Variants in XYLT1 observed in about 807,000 individuals in gnomAD.
XYLT1 encodes the protein xylosyltransferase 1.
A neutral mutation model predicts 91.3 loss-of-function variants in XYLT1; 36 were observed. The ratio of observed to expected loss-of-function variants is 0.39; its 90% CI spans 0.30 to 0.52. XYLT1 has a LOEUF of 0.52. Ranked by LOEUF, XYLT1 falls within the 20% of genes least tolerant of loss-of-function variation. The pLI is 0.68. For missense variants in XYLT1, 1,242 were observed against 1,284.5 expected (o/e 0.97, Z 0.51); for synonymous variants, 588 against 532.0 (o/e 1.11, Z -1.45).
chr16:17,247,506 AT>A (rs2033458677), intron 3 of XYLT1, among the ~76,000 whole-genome samples: 1 of 152,116 alleles, frequency 6.6e-6, no homozygotes, highest in South Asian at 2.1e-4. Context: ...CTTGGTAAAT[AT>A]TTGCTGGCTA....
chr16:17,237,748 C>T (rs1210755432), intron 3 of XYLT1, among the ~76,000 whole-genome samples: 1 of 152,228 alleles, frequency 6.6e-6, no homozygotes, highest in African/African-American at 2.4e-5. Context: ...ATGCCATCTG[C>T]TGGCAAAATG....
intron 2 of XYLT1, among the ~76,000 whole-genome samples, chr16:17,318,805 T>C (rs2034674326): frequency 6.6e-6 from 1 of 151,538 alleles, no homozygotes; most frequent in East Asian, 1.9e-4. Flanking sequence ...TTTTTTTTTT[T>C]CTTCAGATGA....
intron 2 of XYLT1, among the ~76,000 whole-genome samples, chr16:17,292,791 C>A (rs1408105277): frequency 6.6e-6 from 1 of 152,194 alleles, no homozygotes; most frequent in African/African-American, 2.4e-5. Flanking sequence ...CTTTCCTGCA[C>A]AAAGTGGGGC....
At chr16:17,239,913 A>C (rs2033319967) in intron 3 of XYLT1, among the ~76,000 whole-genome samples, 1 of 151,926 alleles carries the variant, frequency 6.6e-6, no homozygotes, top group African/African-American at 2.4e-5. Flanking sequence ...CCATATATCC[A>C]CCCATCTTCT....
At chr16:17,193,516 C>T (rs1254234974) in intron 5 of XYLT1, 2 of 152,472 alleles carry the variant, frequency 1.3e-5, no homozygotes, top group Non-Finnish European at 2.9e-5. Context: ...GCCCACACCC[C>T]CCCACCCCCC....
At chr16:17,465,223 A>C (rs2036877226) in intron 1 of XYLT1, among the ~76,000 whole-genome samples, 1 of 151,768 alleles carries the variant, frequency 6.6e-6, no homozygotes, top group South Asian at 2.1e-4. Flanking sequence ...AACCATGCAA[A>C]AGGAACGCAA....
intron 3 of XYLT1, among the ~76,000 whole-genome samples, chr16:17,233,473 A>G (rs1478098272): frequency 6.6e-6 from 1 of 152,202 alleles, no homozygotes; most frequent in East Asian, 1.9e-4. Flanking sequence ...TTTAAGTAGG[A>G]AGGTGTGGTG....
At chr16:17,451,650 G>T (rs115757891) in intron 1 of XYLT1, among the ~76,000 whole-genome samples, 2,991 of 152,282 alleles carry the variant, frequency 0.02, 85 homozygotes, top group African/African-American at 0.067. Context: ...ATTATCAATG[G>T]CTGTTGCTGA....
At chr16:17,465,100 C>G (rs574000235) in intron 1 of XYLT1, among the ~76,000 whole-genome samples, 2 of 138,468 alleles carry the variant, frequency 1.4e-5, no homozygotes, top group Non-Finnish European at 3.0e-5. Context: ...GCCGAGATCA[C>G]GCCACTGCCC....
intron 1 of XYLT1, among the ~76,000 whole-genome samples, chr16:17,458,099 T>C (rs2036767921): frequency 2.0e-5 from 3 of 152,202 alleles, no homozygotes; most frequent in African/African-American, 2.4e-5. Flanking sequence ...GTGAGTCTGG[T>C]TGAGAGCTGA....
chr16:17,415,496 C>T (rs1170224274), intron 1 of XYLT1, among the ~76,000 whole-genome samples: 2 of 152,110 alleles, frequency 1.3e-5, no homozygotes, highest in African/African-American at 4.8e-5. Context: ...TCAAGACCAC[C>T]CTGGGCAACA....
chr16:17,314,775 T>C (rs1329782187), intron 2 of XYLT1, among the ~76,000 whole-genome samples: 1 of 152,168 alleles, frequency 6.6e-6, no homozygotes. Context: ...GGCTCTGAGC[T>C]CCCTGGTGGC....
intron 5 of XYLT1, among the ~76,000 whole-genome samples, chr16:17,196,183 C>G (rs2032423859): frequency 6.6e-6 from 1 of 152,140 alleles, no homozygotes; most frequent in Non-Finnish European, 1.5e-5. Context: ...ATGAAGAAGA[C>G]CCCCAGTGAC....
At chr16:17,117,391 T>C (rs1332140750) in intron 11 of XYLT1, among the ~76,000 whole-genome samples, 1 of 152,150 alleles carries the variant, frequency 6.6e-6, no homozygotes, top group African/African-American at 2.4e-5. Flanking sequence ...GATCTAGGCT[T>C]TCTGGAAGTT....
At chr16:17,279,352 C>T (rs1026080136) in intron 2 of XYLT1, among the ~76,000 whole-genome samples, 10 of 152,172 alleles carry the variant, frequency 6.6e-5, no homozygotes, top group African/African-American at 2.4e-4. Context: ...GTAGCTGTTA[C>T]TAGTATGATC....
chr16:17,144,819 C>A, intron 6 of XYLT1, among the ~76,000 whole-genome samples: 1 of 152,166 alleles, frequency 6.6e-6, no homozygotes, highest in East Asian at 1.9e-4. Flanking sequence ...ACAGGCAGCA[C>A]CGAGTGCCTA....
intron 5 of XYLT1, among the ~76,000 whole-genome samples, chr16:17,174,672 T>C (rs1376414916): frequency 6.6e-6 from 1 of 152,190 alleles, no homozygotes; most frequent in East Asian, 1.9e-4. Context: ...CCTTCTGGGG[T>C]AACTAAAATG....
chr16:17,186,994 C>T (rs2032198223), intron 5 of XYLT1, among the ~76,000 whole-genome samples: 1 of 152,072 alleles, frequency 6.6e-6, no homozygotes, highest in Non-Finnish European at 1.5e-5. Context: ...ACACAGGCTT[C>T]CAGCTGCAGG....
At chr16:17,197,939 T>C (rs1432238514) in intron 5 of XYLT1, 3 of 515,490 alleles carry the variant, frequency 5.8e-6, no homozygotes, top group East Asian at 6.7e-5. Flanking sequence ...AGAACCCTAA[T>C]ATAAAGCTCC....
Sources: allele counts gnomAD v4.1 joint callset (sites outside exome capture counted in the v4.1 genomes callset), GRCh38; gene constraint gnomAD v4.1.1; transcripts MANE v1.5; gene names NCBI Gene and HGNC (gene_info 2026-07-23, HGNC 2026-07-21).